TAFA2: variants seen among roughly 807,000 people sequenced by gnomAD.
TAFA2 encodes the protein TAFA chemokine like family member 2.
TAFA2 carries 7 observed loss-of-function variants against 18.8 expected under a neutral mutation model. The observed-to-expected ratio is 0.37, with a 90% CI of 0.21 to 0.70. The LOEUF (loss-of-function observed/expected upper bound fraction) is 0.70. Ranked by LOEUF, TAFA2 falls within the 30% of genes least tolerant of loss-of-function variation. The pLI is 0.53. For missense variants in TAFA2, 122 were observed against 158.1 expected (o/e 0.77, Z 1.23); for synonymous variants, 60 against 54.2 (o/e 1.11, Z -0.47).
intron 1 of TAFA2, among the ~76,000 whole-genome samples, chr12:61,908,774 G>A (rs1876477531): frequency 6.6e-6 from 1 of 152,098 alleles, no homozygotes; most frequent in Non-Finnish European, 1.5e-5. Flanking sequence ...TCTTTATGGA[G>A]CAACATAAAC....
chr12:61,755,317 T>C (rs1165367517), intron 2 of TAFA2, among the ~76,000 whole-genome samples: 1 of 152,144 alleles, frequency 6.6e-6, no homozygotes, highest in Non-Finnish European at 1.5e-5. Flanking sequence ...AAAACATTTA[T>C]TTGCATATGA....
intron 1 of TAFA2, among the ~76,000 whole-genome samples, chr12:62,002,481 C>T (rs1592541529): frequency 6.6e-6 from 1 of 152,062 alleles, no homozygotes; most frequent in South Asian, 2.1e-4. Context: ...GATAGCTTCC[C>T]GATTATTTTC....
At chr12:61,889,409 A>G (rs978428896) in intron 1 of TAFA2, among the ~76,000 whole-genome samples, 3 of 152,132 alleles carry the variant, frequency 2.0e-5, no homozygotes, top group African/African-American at 7.2e-5. Context: ...AACAGGGTTC[A>G]TTTTCTCTAG....
intron 1 of TAFA2, among the ~76,000 whole-genome samples, chr12:61,965,457 A>G (rs1259410407): frequency 6.6e-6 from 1 of 151,966 alleles, no homozygotes; most frequent in Non-Finnish European, 1.5e-5. Context: ...AGAGCACGGA[A>G]TATTTGGGGA....
intron 1 of TAFA2, among the ~76,000 whole-genome samples, chr12:61,959,499 C>T (rs1878809692): frequency 6.6e-6 from 1 of 151,952 alleles, no homozygotes; most frequent in Admixed American, 6.6e-5. Flanking sequence ...TTATGTAGTC[C>T]ATATCTGGCC....
Position 62,011,764 on chromosome 12 carries a change from A to G in TAFA2, c.-1-144338T>C, listed in dbSNP as rs201603209. 2.3e-5 allele frequency among the ~76,000 whole-genome samples: 3 copies of G among 127,774 alleles called. No individual in the cohort carries two copies. In the South Asian group the frequency reaches 7.5e-4, roughly 32 times the overall value. The allele number at this position is 127,774 out of a possible 152,430, so 83.8% of individuals were successfully genotyped here. On this transcript the variant is annotated intron_variant, in intron 1 of 4. Transcript: ENST00000416284. ...ATCAATAAATACTAAAAAAAAAAAA[A>G]AAAAAGAAAAGAAACTGTAGTATAA...
chr12:61,778,260 A>G (rs191993121), intron 2 of TAFA2, among the ~76,000 whole-genome samples: 1 of 151,768 alleles, frequency 6.6e-6, no homozygotes, highest in Non-Finnish European at 1.5e-5. Context: ...GTCTTGTACT[A>G]TCTCTCGAGC....
At chr12:61,773,885 C>A (rs1408592769) in intron 2 of TAFA2, among the ~76,000 whole-genome samples, 3 of 151,976 alleles carry the variant, frequency 2.0e-5, no homozygotes, top group African/African-American at 7.2e-5. Context: ...TTCTGTACAG[C>A]AAAAGTAATA....
chr12:62,103,728 T>A (rs1400659847), intron 1 of TAFA2, among the ~76,000 whole-genome samples: 1 of 145,678 alleles, frequency 6.9e-6, no homozygotes, highest in Non-Finnish European at 1.5e-5. Flanking sequence ...GCAACAAGCA[T>A]GAAACTCCTT....
intron 4 of TAFA2, among the ~76,000 whole-genome samples, chr12:61,750,768 G>A (rs1003430750): frequency 6.6e-6 from 1 of 152,076 alleles, no homozygotes; most frequent in African/African-American, 2.4e-5. Context: ...GTACATTATT[G>A]CATATTTTAA....
At chr12:61,941,601 G>A (rs540897670) in intron 1 of TAFA2, among the ~76,000 whole-genome samples, 7 of 151,772 alleles carry the variant, frequency 4.6e-5, no homozygotes, top group African/African-American at 1.2e-4. Context: ...TGCGTGCACC[G>A]TGCGTGAGCC....
intron 1 of TAFA2, among the ~76,000 whole-genome samples, chr12:62,073,429 CTTA>C (rs764078402): frequency 6.7e-6 from 1 of 150,108 alleles, no homozygotes; most frequent in African/African-American, 2.5e-5. Flanking sequence ...GTGTTATTAT[CTTA>C]TCTATATATT....
intron 1 of TAFA2, among the ~76,000 whole-genome samples, chr12:62,077,976 T>C (rs1304061791): frequency 1.3e-5 from 2 of 152,194 alleles, no homozygotes; most frequent in African/African-American, 4.8e-5. Flanking sequence ...CTACTCCCTA[T>C]CACACATTCA....
chr12:62,033,142 C>A (rs1881505425), intron 1 of TAFA2, among the ~76,000 whole-genome samples: 1 of 152,100 alleles, frequency 6.6e-6, no homozygotes, highest in Admixed American at 6.5e-5. Context: ...AAGCTGTTAC[C>A]CTTGCTTTTC....
chr12:61,775,993 T>C (rs1870244891), intron 2 of TAFA2: 4 of 307,660 alleles, frequency 1.3e-5, no homozygotes, highest in African/African-American at 4.4e-5. Flanking sequence ...AAACATGGAG[T>C]TGTTCCTTTG....
intron 1 of TAFA2, among the ~76,000 whole-genome samples, chr12:62,129,230 C>CTGT (rs1229823988): frequency 6.6e-6 from 1 of 151,988 alleles, no homozygotes; most frequent in African/African-American, 2.4e-5. Flanking sequence ...GCATAGTACA[C>CTGT]TGTAATAACA....
chr12:61,922,019 T>C (rs1360550566), intron 1 of TAFA2, among the ~76,000 whole-genome samples: 1 of 152,216 alleles, frequency 6.6e-6, no homozygotes, highest in East Asian at 1.9e-4. Context: ...AACTGAATGT[T>C]CGATTTAGCA....
chr12:61,815,163 T>C (rs912012626), intron 2 of TAFA2, among the ~76,000 whole-genome samples: 2 of 151,442 alleles, frequency 1.3e-5, no homozygotes, highest in South Asian at 2.1e-4. Flanking sequence ...GGAGGACATA[T>C]ATCTACTATA....
chr12:61,972,807 G>T (rs904630543), intron 1 of TAFA2, among the ~76,000 whole-genome samples: 1 of 151,518 alleles, frequency 6.6e-6, no homozygotes, highest in African/African-American at 2.4e-5. Flanking sequence ...GCATACAAAA[G>T]ATATCTCAGG....
Sources: gnomAD v4.1 joint callset for allele counts (sites outside exome capture counted in the v4.1 genomes callset) on GRCh38, gnomAD v4.1.1 for gene constraint, MANE v1.5 for transcripts, NCBI Gene and HGNC (gene_info 2026-07-23, HGNC 2026-07-21) for gene names.